The following CLPX variants were observed in gnomAD, a reference collection of about 807,000 sequenced individuals.
CLPX encodes the protein caseinolytic mitochondrial matrix peptidase chaperone subunit X.
In CLPX, 34 loss-of-function variants were observed where a neutral mutation model predicts 76.4. The ratio of observed to expected loss-of-function variants is 0.45; its 90% CI spans 0.34 to 0.59. CLPX has a LOEUF of 0.59. Among genes scored for constraint, CLPX ranks in the 20% least tolerant of loss-of-function variants. The pLI, the probability that CLPX is intolerant of heterozygous loss-of-function variation, is 0.01. For missense variants in CLPX, 613 were observed against 757.0 expected, an observed-to-expected ratio of 0.81 and a Z score of 2.23; for synonymous variants, 248 against 270.9, an observed-to-expected ratio of 0.92 and a Z score of 0.83.
At chr15:65,165,469 C>G (rs1049591622) in intron 4 of CLPX, among the ~76,000 whole-genome samples, 1 of 148,940 alleles carries the variant, frequency 6.7e-6, no homozygotes, top group East Asian at 2.0e-4. Context: ...CTGCAAGCTC[C>G]GCCTCCCGGG....
At chr15:65,172,482 A>C (rs953893040) in intron 3 of CLPX, among the ~76,000 whole-genome samples, 2 of 151,980 alleles carry the variant, frequency 1.3e-5, no homozygotes, top group African/African-American at 4.8e-5. Context: ...AATACAAAAA[A>C]ATTAGCCGGG....
At chr15:65,158,325 T>C in intron 7 of CLPX, 1 of 393,932 alleles carries the variant, frequency 2.5e-6, no homozygotes, top group Non-Finnish European at 4.5e-6. Context: ...TCCGATCTAT[T>C]ATTATTTAGA....
intron 9 of CLPX, chr15:65,156,588 G>T (rs2087791889): frequency 7.2e-6 from 3 of 417,126 alleles, no homozygotes; most frequent in African/African-American, 4.1e-5. Context: ...GGCCTTTGAG[G>T]AATAAAAAAA....
chr15:65,157,771 A>C lies in CLPX; in HGVS notation c.1032T>G (p.Asn344Lys), dbSNP rs151195584. The part of the protein sequence containing the change: ...SVIAKLLQDA[N>K]YNVEKAQQGI... Reference sequence around the variant, plus strand: ...CTTGTTGTGCTTTTTCCACATTATAATTGGCATCTTGGAGTAGTTTTGCAA... The same window carrying C: ...CTTGTTGTGCTTTTTCCACATTATACTTGGCATCTTGGAGTAGTTTTGCAA... The change falls in exon 8 of 14, where the codon AAT becomes AAG. Residue 344 changes from asparagine to lysine, a missense_variant. Physicochemically the swap from Asn to Lys is moderately conservative, Grantham distance 94. Coordinates refer to ENST00000300107, the MANE Select transcript of CLPX (RefSeq NM_006660.5). 5.9e-5 allele frequency: 95 copies of C among 1,613,368 alleles called. No homozygotes were observed. Among genetic ancestry groups the C allele is most frequent in the Admixed American group, 1.2e-4 (7 of 59,890 alleles).
Position 65,180,077 on chromosome 15 carries a change from C to A in CLPX, c.207G>T (p.Gly69=). 2.5e-6 allele frequency: 4 copies of A among 1,610,018 alleles called. No individual in the cohort carries two copies. The highest frequency in any genetic ancestry group is 3.4e-6 in the Non-Finnish European group (4 of 1,177,894). ...CATCTCCAGAACCATCTTTACTTAT[C>A]CCATCTTTTGAGGCAAAGTATGCTG... ...ETPAYFASKD[G]ISKDGSGDGN... The change falls in exon 2 of 14, where the codon GGG becomes GGT. Residue 69 remains glycine (G), a synonymous_variant. Coordinates refer to ENST00000300107, the MANE Select transcript of CLPX (RefSeq NM_006660.5).
Position 65,176,598 on chromosome 15 carries a change from C to CT in CLPX, c.358+2335dup, listed in dbSNP as rs747274807. Reference sequence around the variant, plus strand: ...TTATTCTTTTTTCTTTTTTTTCTTTCTTTTTTTTTTTTTGGAGACGGAGTT... The same window carrying CT: ...TTATTCTTTTTTCTTTTTTTTCTTTCTTTTTTTTTTTTTTGGAGACGGAGTT... On this transcript the variant is annotated intron_variant, in intron 3 of 13. Transcript: ENST00000300107. Among the ~76,000 whole-genome samples, 966 of 140,870 alleles carry CT rather than the reference C, an allele frequency of 6.9e-3. 5 individuals are homozygous for CT. Among genetic ancestry groups the CT allele is most frequent in the Middle Eastern group, 0.015 (4 of 270 alleles). 92.4% of individuals were successfully genotyped at this position (140,870 alleles called of 152,430 possible). A position where few individuals can be genotyped will look rare whatever the true frequency, so the allele number is the denominator to read the frequency against.
chr15:65,154,285 A>G (rs1454519979), intron 11 of CLPX, among the ~76,000 whole-genome samples: 1 of 152,176 alleles, frequency 6.6e-6, no homozygotes, highest in African/African-American at 2.4e-5. Flanking sequence ...AAGGGGCTTG[A>G]CTTGAGGCAG....
chr15:65,163,542 C>A (rs2087876872), intron 5 of CLPX, among the ~76,000 whole-genome samples: 1 of 152,142 alleles, frequency 6.6e-6, no homozygotes, highest in African/African-American at 2.4e-5. Context: ...TTACTCTATG[C>A]ATAATTGTTT....
At chr15:65,182,415 CTCTT>C (rs1275668000) in intron 1 of CLPX, among the ~76,000 whole-genome samples, 1 of 151,960 alleles carries the variant, frequency 6.6e-6, no homozygotes, top group Non-Finnish European at 1.5e-5. Context: ...TAAAATATGC[CTCTT>C]TATTAACAAG....
At chr15:65,182,266 C>T (rs1409302783) in intron 1 of CLPX, among the ~76,000 whole-genome samples, 11 of 152,144 alleles carry the variant, frequency 7.2e-5, no homozygotes, top group African/African-American at 2.7e-4. Flanking sequence ...GGATTTCTAA[C>T]ACTTTTTGTG....
intron 7 of CLPX, 101 bp from the exon 8 acceptor site, chr15:65,158,011 T>C: frequency 1.0e-6 from 1 of 982,690 alleles, no homozygotes. Flanking sequence ...TAATAAAAAG[T>C]TGTCAATTGC....
In CLPX at chr15:65,150,615, T is replaced by C. The variant is rs965109734; in HGVS notation, c.*208A>G. 72 of 367,966 alleles carry C rather than the reference T, an allele frequency of 2.0e-4. No individual in the cohort carries two copies. Among genetic ancestry groups the C allele is most frequent in the Non-Finnish European group, 3.0e-4 (62 of 206,698 alleles). The allele number at this position is 367,966 out of a possible 1,614,324, so 22.8% of individuals were successfully genotyped here. A position where few individuals can be genotyped will look rare whatever the true frequency, so the allele number is the denominator to read the frequency against. ...ATAATGTACATTTTATCTCTAAACA[T>C]TGTGTCATTAAAGTCCATATAACAT... On this transcript the variant is annotated 3_prime_UTR_variant, in exon 14 of 14. Coordinates refer to ENST00000300107, the MANE Select transcript of CLPX (RefSeq NM_006660.5).
At position 65,179,861 on chromosome 15, in the gene CLPX, T is replaced by C. The variant is rs186886827; in HGVS notation, c.240+183A>G. On this transcript the variant is annotated intron_variant, in intron 2 of 13. Coordinates refer to ENST00000300107, the MANE Select transcript of CLPX (RefSeq NM_006660.5). ...TTTAATTACTGCTTACTATGTGCAATGCTTATAAAAGTATTTTAAGGTTCA... is the reference window on the plus strand; with the variant it reads ...TTTAATTACTGCTTACTATGTGCAACGCTTATAAAAGTATTTTAAGGTTCA... 7.2e-5 allele frequency among the ~76,000 whole-genome samples: 11 copies of C among 152,332 alleles called. No homozygotes were observed. In the East Asian group the frequency reaches 2.1e-3, roughly 29 times the overall value.
chr15:65,179,110 C>A lies in CLPX; in HGVS notation c.241-59G>T, dbSNP rs757040803. The A allele has an allele frequency of 9.8e-5, 90 of 920,638 alleles. No individual in the cohort carries two copies. In the African/African-American group the frequency reaches 1.0e-3, roughly 10 times the overall value. The allele number at this position is 920,638 out of a possible 1,614,324, so 57.0% of individuals were successfully genotyped here. A position where few individuals can be genotyped will look rare whatever the true frequency, so the allele number is the denominator to read the frequency against. On this transcript the variant is annotated intron_variant, in intron 2 of 13. Coordinates refer to ENST00000300107, the MANE Select transcript of CLPX (RefSeq NM_006660.5). ...TCAATTATTAGTTTCAGGCAACCAA[C>A]TTAAATGTAAACAATACTGTTTGTA... is the stretch of plus-strand genomic sequence containing the variant.
intron 4 of CLPX, among the ~76,000 whole-genome samples, chr15:65,165,378 T>A (rs2087897456): frequency 1.8e-5 from 2 of 112,336 alleles, no homozygotes; most frequent in South Asian, 6.8e-4. Flanking sequence ...TGCCTGGATT[T>A]TTTTTTTTTT....
Position 65,148,702 on chromosome 15 carries a change from CTG to C in CLPX, c.*2119_*2120del, listed in dbSNP as rs1206980370. 2.7e-5 allele frequency: 4 copies of C among 150,802 alleles called. No homozygotes were observed. Among genetic ancestry groups the C allele is most frequent in the African/African-American group, 9.8e-5 (4 of 41,016 alleles). 9.3% of individuals were successfully genotyped at this position (150,802 alleles called of 1,614,324 possible). A position where few individuals can be genotyped will look rare whatever the true frequency, so the allele number is the denominator to read the frequency against. On this transcript the variant is annotated 3_prime_UTR_variant, in exon 14 of 14. Transcript: ENST00000300107. ...AGCTTTAGTTTTTCCCTAAAAAAAACTGTGTAAAAGGAAAGCTCGAGTCTATA... is the reference window on the plus strand; with the variant it reads ...AGCTTTAGTTTTTCCCTAAAAAAAACTGTAAAAGGAAAGCTCGAGTCTATA...
chr15:65,156,462 A>T (rs2087790837), intron 9 of CLPX, among the ~76,000 whole-genome samples: 1 of 152,204 alleles, frequency 6.6e-6, no homozygotes, highest in Non-Finnish European at 1.5e-5. Flanking sequence ...GGAATTAAAC[A>T]TTATTTTATA....
At chr15:65,174,007 G>A (rs953195090) in intron 3 of CLPX, among the ~76,000 whole-genome samples, 5 of 152,094 alleles carry the variant, frequency 3.3e-5, no homozygotes, top group African/African-American at 9.7e-5. Flanking sequence ...ACAAAGTCTC[G>A]CTCTGTCGCC....
chr15:65,180,249 T>C, intron 1 of CLPX, 45 bp from the exon 2 acceptor site: 12 of 1,449,084 alleles, frequency 8.3e-6, no homozygotes, highest in Non-Finnish European at 1.1e-5. Context: ...CATGCCTCAA[T>C]AAATCCCCTG....
Sources: allele counts gnomAD v4.1 joint callset (sites outside exome capture counted in the v4.1 genomes callset), GRCh38; gene constraint gnomAD v4.1.1; transcripts MANE v1.5; gene names NCBI Gene and HGNC (gene_info 2026-07-23, HGNC 2026-07-21).